BMP1: variants seen among roughly 807,000 people sequenced by gnomAD.
BMP1 encodes mammalian tolloid protein.
A neutral mutation model predicts 116.8 loss-of-function variants in BMP1; 63 were observed. The observed-to-expected ratio is 0.54, with a 90% CI of 0.44 to 0.67. The LOEUF (loss-of-function observed/expected upper bound fraction) is 0.67. BMP1 is among the 30% of genes least tolerant of loss of function. The pLI, the probability that BMP1 is intolerant of heterozygous loss-of-function variation, is 0.00. For synonymous variants in BMP1, 536 were observed against 533.4 expected, an observed-to-expected ratio of 1.00 and a Z score of -0.07; for missense variants, 1,183 against 1,358.9, an observed-to-expected ratio of 0.87 and a Z score of 2.04.
intron 8 of BMP1, among the ~76,000 whole-genome samples, chr8:22,186,762 C>A (rs1828783088): frequency 6.6e-6 from 1 of 152,066 alleles, no homozygotes; most frequent in Non-Finnish European, 1.5e-5. Context: ...CCATGCCTGG[C>A]CTGTTTCCCC....
Position 22,179,219 on chromosome 8 carries a change from T to G in BMP1, c.837-486T>G, listed in dbSNP as rs971074544. On this transcript the variant is annotated intron_variant, in intron 6 of 19. Coordinates refer to ENST00000306385, the MANE Select transcript of BMP1 (RefSeq NM_006129.5). This position sits in a 1 kb window ranked among gnomAD's most constrained non-coding sequence, Gnocchi z 4.6. Reference sequence around the variant, plus strand: ...TGGTCTGGCTGCAGTGGAATCTGCCTTTGGCCTTGTTCCAGGTGCTTTCAG... The same window carrying G: ...TGGTCTGGCTGCAGTGGAATCTGCCGTTGGCCTTGTTCCAGGTGCTTTCAG... Among the ~76,000 whole-genome samples the G allele has an allele frequency of 6.6e-6, 1 of 152,236 alleles. No individual in the cohort carries two copies. Among genetic ancestry groups the G allele is most frequent in the Non-Finnish European group, 1.5e-5 (1 of 68,042 alleles).
At chr8:22,191,640 C>T (rs1720627921) in intron 8 of BMP1, among the ~76,000 whole-genome samples, 1 of 152,206 alleles carries the variant, frequency 6.6e-6, no homozygotes, top group Non-Finnish European at 1.5e-5. Context: ...TGATTGGCGA[C>T]TCAGCCCTTC....
At chr8:22,172,236 C>T (rs1828300187) in intron 1 of BMP1, among the ~76,000 whole-genome samples, 1 of 152,212 alleles carries the variant, frequency 6.6e-6, no homozygotes. Context: ...GTGGGTCCCA[C>T]CTGTAGCCCA....
At chr8:22,201,562 C>T (rs1363785683) in intron 15 of BMP1, 12 of 1,411,642 alleles carry the variant, frequency 8.5e-6, no homozygotes, top group East Asian at 5.2e-5. Context: ...CTGGTCCGCT[C>T]GGACCCCCAT....
rs550765020 is a variant in BMP1 at position 22,199,203 on chromosome 8, C to T, written c.2107+1783C>T. On this transcript the variant is annotated intron_variant, in intron 15 of 19. Coordinates refer to ENST00000306385, the MANE Select transcript of BMP1 (RefSeq NM_006129.5). ...TCGCACAAGAAACCTGCAGAGGACCCCCACTGGGGGCATCGAGGCTCAGCC... is the reference window on the plus strand; with the variant it reads ...TCGCACAAGAAACCTGCAGAGGACCTCCACTGGGGGCATCGAGGCTCAGCC... 41 of 1,367,626 alleles carry T rather than the reference C, an allele frequency of 3.0e-5. 1 individual carries two copies. The East Asian group carries it at 1.3e-3, about 43-fold the overall frequency. The allele number at this position is 1,367,626 out of a possible 1,614,324, so 84.7% of individuals were successfully genotyped here. A position where few individuals can be genotyped will look rare whatever the true frequency, so the allele number is the denominator to read the frequency against.
chr8:22,181,073 C>A (rs1229960861), intron 8 of BMP1, among the ~76,000 whole-genome samples: 1 of 152,180 alleles, frequency 6.6e-6, no homozygotes, highest in Admixed American at 6.5e-5. Context: ...CCTGGTGGGT[C>A]TCTCCTTCTC....
Position 22,211,973 on chromosome 8 carries a change from G to T in BMP1, c.*245G>T. 5.2e-6 allele frequency: 3 copies of T among 574,308 alleles called. No individual in the cohort carries two copies. The highest frequency in any genetic ancestry group is 9.2e-6 in the Non-Finnish European group (3 of 327,266). The allele number at this position is 574,308 out of a possible 1,614,324, so 35.6% of individuals were successfully genotyped here. On this transcript the variant is annotated 3_prime_UTR_variant, in exon 20 of 20. Transcript: ENST00000306385. ...GAGCAGAGCTTCCACAAGACATTTC[G>T]AAGTCATCATTCCTCTCTTAGGGGG...
In BMP1 at chr8:22,176,393, G is replaced by A. The variant is rs572471328; in HGVS notation, c.433+80G>A. On this transcript the variant is annotated intron_variant, in intron 3 of 19. Coordinates refer to ENST00000306385, the MANE Select transcript of BMP1 (RefSeq NM_006129.5). ...TGGCAGCCCTGCCAGGCACGGAGGC[G>A]TGGGTGCCACCTGCAGCCCGAGTGC... 5.1e-6 allele frequency: 8 copies of A among 1,558,230 alleles called. No homozygotes were observed. The Admixed American group carries it at 1.0e-4, about 20-fold the overall frequency.
rs146062553 is a variant in BMP1 at position 22,186,536 on chromosome 8, C to T, written c.1078-5513C>T. ...AGGCTGGAGTGCAGTGGCATGATCT[C>T]GGCTTACTGCAACCTCTGCCTCTGG... On this transcript the variant is annotated intron_variant, in intron 8 of 19. Transcript: ENST00000306385. Among the ~76,000 whole-genome samples the T allele has an allele frequency of 6.2e-3, 945 of 152,234 alleles. 35 individuals are homozygous for T. The highest frequency in any genetic ancestry group is 0.051 in the Admixed American group (781 of 15,288).
In BMP1 at chr8:22,196,566, C is replaced by G. The variant is rs375629120; in HGVS notation, c.1766-114C>G. 1.5e-4 allele frequency: 219 copies of G among 1,501,926 alleles called. 2 individuals carry two copies. The East Asian group carries it at 4.1e-3, about 28-fold the overall frequency. The allele number at this position is 1,501,926 out of a possible 1,614,324, so 93.0% of individuals were successfully genotyped here. A position where few individuals can be genotyped will look rare whatever the true frequency, so the allele number is the denominator to read the frequency against. On this transcript the variant is annotated intron_variant, in intron 13 of 19. Coordinates refer to ENST00000306385, the MANE Select transcript of BMP1 (RefSeq NM_006129.5). ...AGGGACCAGACACAGGTCCCTGAGC[C>G]TTGGGGAGTCCACAGGCTCCCCATC... is the stretch of plus-strand genomic sequence containing the variant.
chr8:22,210,754 G>A (rs556363418), intron 19 of BMP1, among the ~76,000 whole-genome samples: 3 of 152,328 alleles, frequency 2.0e-5, no homozygotes, highest in African/African-American at 7.2e-5. Context: ...TGCCAGGCTA[G>A]TGTCCCCTCC....
At position 22,179,576 on chromosome 8, in the gene BMP1, G is replaced by T; in HGVS notation, c.837-129G>T. On this transcript the variant is annotated intron_variant, in intron 6 of 19. Transcript: ENST00000306385. The surrounding 1 kb of genome is among the most constrained non-coding windows in gnomAD (Gnocchi z 4.6). ...TGACAGGGTGAGACGACTCCACCCGGCCCTGACCCTGCTGAGGAATGTCTG... is the reference window on the plus strand; with the variant it reads ...TGACAGGGTGAGACGACTCCACCCGTCCCTGACCCTGCTGAGGAATGTCTG... 1 of 1,533,202 alleles carries T rather than the reference G, an allele frequency of 6.5e-7. No homozygotes were observed. The highest frequency in any genetic ancestry group is 1.8e-5 in the Admixed American group (1 of 55,608). The allele number at this position is 1,533,202 out of a possible 1,614,324, so 95.0% of individuals were successfully genotyped here.
chr8:22,167,029 G>A (rs543613386), intron 1 of BMP1, among the ~76,000 whole-genome samples: 2 of 152,320 alleles, frequency 1.3e-5, no homozygotes, highest in East Asian at 3.9e-4. Context: ...CATAGAGTTG[G>A]TGGTAAGGGT....
intron 8 of BMP1, among the ~76,000 whole-genome samples, chr8:22,183,561 T>C (rs1348986636): frequency 6.6e-6 from 1 of 151,748 alleles, no homozygotes; most frequent in African/African-American, 2.4e-5. Context: ...CTAACAATGA[T>C]TGAATATTTG....
chr8:22,194,497 C>T lies in BMP1; in HGVS notation c.1350C>T (p.Asn450=). The part of the protein sequence containing the change: ...KKDYGHIQSP[N]YPDDYRPSKV... ...ACTATGGCCACATTCAATCGCCCAA[C>T]TACCCAGACGATTACCGGCCCAGCA... Residue 450 remains asparagine (N), a synonymous_variant, in exon 11 of 20, where the codon AAC becomes AAT. Transcript: ENST00000306385. This position sits in a 1 kb window ranked among gnomAD's most constrained non-coding sequence, Gnocchi z 4.5. 1 of 1,614,218 alleles carries T rather than the reference C, an allele frequency of 6.2e-7. No homozygotes were observed.
intron 16 of BMP1, 55 bp downstream of exon 16, chr8:22,201,983 G>A: frequency 6.4e-7 from 1 of 1,565,770 alleles, no homozygotes; most frequent in Non-Finnish European, 8.7e-7. Context: ...GCTGGGAGTG[G>A]AAGCCCAGAG....
chr8:22,209,308 C>A (rs747020308), intron 18 of BMP1, 137 bp from the exon 19 acceptor site: 4 of 1,420,472 alleles, frequency 2.8e-6, no homozygotes, highest in Non-Finnish European at 3.8e-6. Flanking sequence ...TGGGCCAGGC[C>A]CCCACCCACC....
intron 13 of BMP1, 92 bp from the exon 14 acceptor site, chr8:22,196,588 C>G: frequency 6.3e-7 from 1 of 1,576,216 alleles, no homozygotes; most frequent in Non-Finnish European, 8.6e-7. Context: ...ACAGGCTCCC[C>G]ATCTTCTCCT....
chr8:22,177,141 T>G lies in BMP1; in HGVS notation c.730+2T>G. ...TCGTTCGTGAGAACATCCAGCCAGGTAGGTACCTGCCCCTCGGTGCGGCCT... is the reference window on the plus strand; with the variant it reads ...TCGTTCGTGAGAACATCCAGCCAGGGAGGTACCTGCCCCTCGGTGCGGCCT... On this transcript the variant is annotated splice_donor_variant, in intron 5 of 19. Transcript: ENST00000306385. LOFTEE classifies it high-confidence loss of function. The G allele has an allele frequency of 6.3e-7, 1 of 1,599,464 alleles. No homozygotes were observed. The highest frequency in any genetic ancestry group is 8.5e-7 in the Non-Finnish European group (1 of 1,170,922).
Sources: gnomAD v4.1 joint callset for allele counts (sites outside exome capture counted in the v4.1 genomes callset) on GRCh38, gnomAD v4.1.1 for gene constraint, Gnocchi (gnomAD v3.1) non-coding constraint, MANE v1.5 for transcripts, NCBI Gene and HGNC (gene_info 2026-07-23, HGNC 2026-07-21) for gene names.